Variants in IMMP2L observed in about 807,000 individuals in gnomAD.
The protein encoded by IMMP2L is inner mitochondrial membrane peptidase subunit 2, also known as mitochondrial inner membrane protease subunit 2.
IMMP2L carries 18 observed loss-of-function variants against 19.3 expected under a neutral mutation model. That is an observed-to-expected ratio of 0.93 (90% CI 0.64 to 1.38). The LOEUF (loss-of-function observed/expected upper bound fraction) is 1.38, where lower values mean the gene tolerates loss of function less well. Among genes scored for constraint, IMMP2L ranks in the 40% most tolerant of loss-of-function variants. The pLI is 0.00. For synonymous variants in IMMP2L, 76 were observed against 73.0 expected (o/e 1.04, Z -0.21); for missense variants, 233 against 218.2 (o/e 1.07, Z -0.43).
chr7:111,332,023 T>C (rs926763514), intron 3 of IMMP2L, among the ~76,000 whole-genome samples: 3 of 151,930 alleles, frequency 2.0e-5, no homozygotes, highest in Non-Finnish European at 4.4e-5. Context: ...CTATATATTA[T>C]GTGCTGTTTT....
At chr7:110,947,151 T>C (rs1817340517) in intron 4 of IMMP2L, among the ~76,000 whole-genome samples, 1 of 152,198 alleles carries the variant, frequency 6.6e-6, no homozygotes, top group Non-Finnish European at 1.5e-5. Flanking sequence ...TAAGAATTTT[T>C]TTCACCTTTC....
intron 5 of IMMP2L, among the ~76,000 whole-genome samples, chr7:110,799,657 A>T (rs933318095): frequency 3.2e-4 from 49 of 152,176 alleles, no homozygotes; most frequent in African/African-American, 1.2e-3. Flanking sequence ...GGAAGAAAAG[A>T]TCAAAGATGA....
chr7:111,459,058 T>C (rs112747407), intron 3 of IMMP2L, among the ~76,000 whole-genome samples: 15 of 152,276 alleles, frequency 9.9e-5, no homozygotes, highest in East Asian at 3.9e-4. Flanking sequence ...TAAAATGTTA[T>C]TGAAAATAGC....
intron 3 of IMMP2L, among the ~76,000 whole-genome samples, chr7:111,250,955 G>C (rs1816036337): frequency 6.6e-6 from 1 of 152,128 alleles, no homozygotes; most frequent in African/African-American, 2.4e-5. Flanking sequence ...ACTATTATCA[G>C]ACTGAACAGA....
At position 111,430,468 on chromosome 7, in the gene IMMP2L, T is replaced by C. The variant is rs181110936; in HGVS notation, c.239+56770A>G. On this transcript the variant is annotated intron_variant, in intron 3 of 5. Coordinates refer to ENST00000405709, the MANE Select transcript of IMMP2L (RefSeq NM_032549.4). The stretch of plus-strand genomic sequence containing the variant: ...TCTTTTCAAAAATCTAAATTTATAA[T>C]AGATCTATAGTTCTGAGACTATATA... 1.3e-5 allele frequency among the ~76,000 whole-genome samples: 2 copies of C among 151,888 alleles called. 1 individual carries two copies. The highest frequency in any genetic ancestry group is 1.3e-4 in the Admixed American group (2 of 15,280).
intron 1 of IMMP2L, among the ~76,000 whole-genome samples, chr7:111,555,810 G>C (rs916737735): frequency 1.3e-5 from 2 of 151,330 alleles, no homozygotes; most frequent in Non-Finnish European, 2.9e-5. Flanking sequence ...TGGACAGTTA[G>C]GTTGTTTCCA....
chr7:111,380,761 C>T (rs1383072217), intron 3 of IMMP2L, among the ~76,000 whole-genome samples: 1 of 151,944 alleles, frequency 6.6e-6, no homozygotes, highest in Admixed American at 6.6e-5. Flanking sequence ...CTAAAATTGG[C>T]CATCTGGCTT....
At chr7:110,666,872 A>C (rs1791495879) in intron 5 of IMMP2L, among the ~76,000 whole-genome samples, 1 of 152,144 alleles carries the variant, frequency 6.6e-6, no homozygotes, top group Non-Finnish European at 1.5e-5. Context: ...CTGTGTAATT[A>C]TTTTAGTCCT....
At chr7:111,216,021 C>T (rs1474575911) in intron 3 of IMMP2L, among the ~76,000 whole-genome samples, 2 of 152,084 alleles carry the variant, frequency 1.3e-5, no homozygotes, top group Admixed American at 1.3e-4. Context: ...AGAATATATA[C>T]TAAAATAACA....
chr7:110,863,271 G>T (rs1336501131), intron 5 of IMMP2L, among the ~76,000 whole-genome samples: 2 of 152,034 alleles, frequency 1.3e-5, no homozygotes, highest in African/African-American at 4.8e-5. Flanking sequence ...GGTCACGGGG[G>T]ATCAGCTTAG....
chr7:110,742,523 C>T (rs752571824), intron 5 of IMMP2L, among the ~76,000 whole-genome samples: 2 of 152,108 alleles, frequency 1.3e-5, no homozygotes, highest in Non-Finnish European at 2.9e-5. Flanking sequence ...AATTCCAGCA[C>T]TTTGGGAAAC....
At chr7:110,993,819 C>T (rs1005727860) in intron 3 of IMMP2L, among the ~76,000 whole-genome samples, 1 of 152,090 alleles carries the variant, frequency 6.6e-6, no homozygotes, top group Admixed American at 6.6e-5. Flanking sequence ...TCAGCCCCTC[C>T]TGACTTCCCC....
intron 3 of IMMP2L, among the ~76,000 whole-genome samples, chr7:111,181,742 CA>C (rs1353148374): frequency 6.6e-6 from 1 of 152,006 alleles, no homozygotes; most frequent in East Asian, 1.9e-4. Context: ...CAAACAATAA[CA>C]AAAAGTTGAC....
intron 3 of IMMP2L, among the ~76,000 whole-genome samples, chr7:111,104,341 G>A (rs1798305484): frequency 6.6e-6 from 1 of 151,654 alleles, no homozygotes; most frequent in Admixed American, 6.6e-5. Context: ...CAAATTTATT[G>A]TAGAGAATGA....
intron 5 of IMMP2L, among the ~76,000 whole-genome samples, chr7:110,699,361 C>T (rs945277734): frequency 2.6e-5 from 4 of 152,144 alleles, no homozygotes; most frequent in Admixed American, 6.5e-5. Flanking sequence ...TGGGCTTGCT[C>T]GGTGTGGTTG....
At chr7:111,263,888 C>T (rs917592286) in intron 3 of IMMP2L, among the ~76,000 whole-genome samples, 5 of 152,074 alleles carry the variant, frequency 3.3e-5, no homozygotes, top group Non-Finnish European at 5.9e-5. Flanking sequence ...TAAAGAAAAA[C>T]GAGGATTAAA....
At chr7:111,537,716 T>C (rs1848021606) in intron 1 of IMMP2L, among the ~76,000 whole-genome samples, 1 of 151,570 alleles carries the variant, frequency 6.6e-6, no homozygotes, top group African/African-American at 2.4e-5. Context: ...TTGTATTTTT[T>C]GTAGAGATGG....
At chr7:111,122,535 A>G in intron 3 of IMMP2L, 1 of 491,896 alleles carries the variant, frequency 2.0e-6, no homozygotes, top group Non-Finnish European at 3.6e-6. Context: ...CAAAAAGTAC[A>G]TCAATATTAT....
intron 3 of IMMP2L, among the ~76,000 whole-genome samples, chr7:111,366,984 A>C (rs1829827871): frequency 6.6e-6 from 1 of 151,902 alleles, no homozygotes; most frequent in Non-Finnish European, 1.5e-5. Context: ...ACTTTGATGT[A>C]AGTTTAAAAT....
Sources: allele counts gnomAD v4.1 joint callset (sites outside exome capture counted in the v4.1 genomes callset), GRCh38; gene constraint gnomAD v4.1.1; transcripts MANE v1.5; gene names NCBI Gene and HGNC (gene_info 2026-07-23, HGNC 2026-07-21).